The following PTPRR variants were observed in gnomAD, a reference collection of about 807,000 sequenced individuals.
The protein encoded by PTPRR is protein tyrosine phosphatase receptor type R, also known as receptor-type tyrosine-protein phosphatase R.
PTPRR carries 38 observed loss-of-function variants against 77.2 expected under a neutral mutation model. The ratio of observed to expected loss-of-function variants is 0.49; its 90% CI spans 0.38 to 0.65. The LOEUF is 0.65. PTPRR is among the 30% of genes least tolerant of loss of function. The pLI is 0.00. For missense variants in PTPRR, 744 were observed against 799.2 expected (o/e 0.93, Z 0.83); for synonymous variants, 299 against 283.1 (o/e 1.06, Z -0.57).
At chr12:70,849,799 A>C (rs1472420422) in intron 2 of PTPRR, among the ~76,000 whole-genome samples, 1 of 152,138 alleles carries the variant, frequency 6.6e-6, no homozygotes, top group Non-Finnish European at 1.5e-5. Context: ...ATTAATTCAA[A>C]TTAGGATATT....
intron 2 of PTPRR, among the ~76,000 whole-genome samples, chr12:70,827,528 TTTTCTTTC>T (rs143441415): frequency 1.2e-4 from 18 of 149,522 alleles, no homozygotes; most frequent in Admixed American, 3.3e-4. Flanking sequence ...ATCTTTTCTT[TTTTCTTTC>T]TTTCTTTCTT....
At chr12:70,783,806 A>AGC (rs1410213544) in intron 2 of PTPRR, among the ~76,000 whole-genome samples, 1 of 136,944 alleles carries the variant, frequency 7.3e-6, no homozygotes, top group Non-Finnish European at 1.5e-5. Flanking sequence ...GTCCCCTTTT[A>AGC]GCTTCCCTTC....
intron 2 of PTPRR, among the ~76,000 whole-genome samples, chr12:70,791,009 C>T (rs1891413434): frequency 1.3e-5 from 2 of 152,186 alleles, no homozygotes; most frequent in African/African-American, 4.8e-5. Flanking sequence ...TGGGCCAAAG[C>T]CACATCTATC....
intron 6 of PTPRR, among the ~76,000 whole-genome samples, chr12:70,723,757 G>C (rs1426062547): frequency 6.6e-6 from 1 of 151,964 alleles, no homozygotes; most frequent in African/African-American, 2.4e-5. Flanking sequence ...TTTTGCATTA[G>C]CATTAAATAA....
chr12:70,657,806 ACTT>A (rs929333870), intron 12 of PTPRR, among the ~76,000 whole-genome samples: 22 of 151,864 alleles, frequency 1.4e-4, no homozygotes, highest in East Asian at 9.7e-4. Context: ...ATCTGTTACC[ACTT>A]CTTCTATTTT....
chr12:70,770,881 A>C (rs1349637422), intron 2 of PTPRR, among the ~76,000 whole-genome samples: 16 of 151,756 alleles, frequency 1.1e-4, no homozygotes, highest in Non-Finnish European at 1.8e-4. Context: ...GGAAATCATC[A>C]TTCTCAGTAA....
At chr12:70,709,811 T>C (rs775619644) in intron 6 of PTPRR, among the ~76,000 whole-genome samples, 1 of 152,084 alleles carries the variant, frequency 6.6e-6, no homozygotes, top group African/African-American at 2.4e-5. Context: ...CAAGGAGAAC[T>C]GCAAAACACT....
chr12:70,913,806 T>C (rs1357415727), intron 1 of PTPRR, among the ~76,000 whole-genome samples: 4 of 152,206 alleles, frequency 2.6e-5, no homozygotes, highest in Non-Finnish European at 4.4e-5. Context: ...ATATAATCTC[T>C]TGGTCAATGT....
chr12:70,739,584 C>T (rs1016139949), intron 6 of PTPRR, among the ~76,000 whole-genome samples: 18 of 152,202 alleles, frequency 1.2e-4, no homozygotes, highest in African/African-American at 4.3e-4. Context: ...CACAGAGTAT[C>T]TTGAGCCATA....
At chr12:70,896,999 G>GC (rs1893440458) in intron 1 of PTPRR, among the ~76,000 whole-genome samples, 1 of 151,880 alleles carries the variant, frequency 6.6e-6, no homozygotes, top group Non-Finnish European at 1.5e-5. Flanking sequence ...GTACCATGCT[G>GC]TTTTGGTTAC....
At chr12:70,727,723 T>C (rs1460436181) in intron 6 of PTPRR, among the ~76,000 whole-genome samples, 1 of 151,778 alleles carries the variant, frequency 6.6e-6, no homozygotes, top group East Asian at 1.9e-4. Flanking sequence ...AGACCCAGAG[T>C]CTCATAGAAA....
intron 2 of PTPRR, among the ~76,000 whole-genome samples, chr12:70,866,772 A>C (rs1892858752): frequency 6.6e-6 from 1 of 152,204 alleles, no homozygotes. Flanking sequence ...ACATTGATGC[A>C]AAAATCCTCA....
intron 2 of PTPRR, among the ~76,000 whole-genome samples, chr12:70,887,450 C>CTA (rs1565730933): frequency 6.6e-6 from 1 of 151,064 alleles, no homozygotes. Flanking sequence ...AGACTCTTTC[C>CTA]AAAAAAAAAT....
rs1203056608 is a variant in PTPRR at position 70,914,059 on chromosome 12, C to CA, written c.58+6273dup. On this transcript the variant is annotated intron_variant, in intron 1 of 13. Transcript: ENST00000283228. ...AGCTACTTGAATGAGGTGAGTCATC[C>CA]AAAAAAAAGAAGATTCTCAAAGTGG... Among the ~76,000 whole-genome samples, 89 of 150,934 alleles carry CA rather than the reference C, an allele frequency of 5.9e-4. 1 individual carries two copies. Among genetic ancestry groups the CA allele is most frequent in the African/African-American group, 2.1e-3 (85 of 41,138 alleles).
At chr12:70,666,695 G>C (rs979437240) in intron 10 of PTPRR, among the ~76,000 whole-genome samples, 45 of 151,880 alleles carry the variant, frequency 3.0e-4, no homozygotes, top group African/African-American at 1.0e-3. Context: ...TTGTTTCATA[G>C]GCTTTTCTAT....
rs189974691 is a variant in PTPRR at position 70,750,456 on chromosome 12, C to T, written c.738+3735G>A. Among the ~76,000 whole-genome samples, 20 of 152,180 alleles carry T rather than the reference C, an allele frequency of 1.3e-4. No individual in the cohort carries two copies. The East Asian group carries it at 2.3e-3, about 18-fold the overall frequency. The stretch of plus-strand genomic sequence containing the variant: ...TTGGAATACATGTGTTTCAGAATCA[C>T]GAAAGTGATAGTACAAGTATCACTG... On this transcript the variant is annotated intron_variant, in intron 5 of 13. Coordinates refer to ENST00000283228, the MANE Select transcript of PTPRR (RefSeq NM_002849.4).
intron 2 of PTPRR, among the ~76,000 whole-genome samples, chr12:70,804,768 C>CA (rs1221371932): frequency 1.3e-5 from 2 of 152,184 alleles, no homozygotes; most frequent in Non-Finnish European, 1.5e-5. Flanking sequence ...CATGCAAAGA[C>CA]AGACTGTTGA....
intron 2 of PTPRR, among the ~76,000 whole-genome samples, chr12:70,819,873 T>A (rs535108543): frequency 1.3e-5 from 2 of 152,190 alleles, no homozygotes; most frequent in East Asian, 3.9e-4. Flanking sequence ...TAAAGATATT[T>A]TCTGTGTTCA....
At chr12:70,805,520 C>CT (rs1891694721) in intron 2 of PTPRR, among the ~76,000 whole-genome samples, 1 of 151,894 alleles carries the variant, frequency 6.6e-6, no homozygotes, top group Admixed American at 6.6e-5. Context: ...TGGTGGGTTC[C>CT]TTTTTTACTT....
Sources: allele counts gnomAD v4.1 joint callset (sites outside exome capture counted in the v4.1 genomes callset), GRCh38; gene constraint gnomAD v4.1.1; transcripts MANE v1.5; gene names NCBI Gene and HGNC (gene_info 2026-07-23, HGNC 2026-07-21).